Variants in SLC10A1 observed in about 807,000 individuals in gnomAD.
The protein encoded by SLC10A1 is hepatic sodium/bile acid cotransporter.
In SLC10A1, 36 loss-of-function variants were observed where a neutral mutation model predicts 20.5. The ratio of observed to expected loss-of-function variants is 1.75; its 90% CI spans 1.34 to 2.32. The LOEUF is 2.32. Among genes scored for constraint, SLC10A1 ranks in the 30% most tolerant of loss-of-function variants. SLC10A1 has a pLI of 0.00. For missense variants in SLC10A1, 545 were observed against 439.1 expected, an observed-to-expected ratio of 1.24 and a Z score of -2.16; for synonymous variants, 188 against 163.6, an observed-to-expected ratio of 1.15 and a Z score of -1.14.
At position 69,778,355 on chromosome 14, in the gene SLC10A1, A is replaced by T. The variant is rs761497776; in HGVS notation, c.921T>A (p.Tyr307Ter). ...CACCCTTGGGAGTCTTGAATTTCTC[A>T]TAGCACCAAAATATGGCAATGAGGA... ...GLLLIAIFWC[Y>*]EKFKTPKDKT... is the part of the protein sequence containing the mutation. Residue 307 changes from tyrosine (Y) to a stop codon, truncating the protein, a stop_gained, in exon 4 of 5, where the codon TAT becomes TAA. Transcript: ENST00000216540. LOFTEE classifies it low-confidence loss of function (END_TRUNC). The T allele has an allele frequency of 6.2e-7, 1 of 1,609,022 alleles. No individual in the cohort carries two copies. The highest frequency in any genetic ancestry group is 2.2e-5 in the East Asian group (1 of 44,858).
chr14:69,786,078 A>G lies in SLC10A1; in HGVS notation c.567+19T>C. On this transcript the variant is annotated intron_variant, in intron 2 of 4. Transcript: ENST00000216540. ...TTTTACTCTTTTGCCCTAATTTGTC[A>G]AGCCTCCCAGGTTCTTACCTTGATG... The G allele has an allele frequency of 6.2e-7, 1 of 1,606,266 alleles. No homozygotes were observed. Among genetic ancestry groups the G allele is most frequent in the Non-Finnish European group, 8.5e-7 (1 of 1,173,016 alleles).
chr14:69,778,667 G>A, intron 3 of SLC10A1, 138 bp from the exon 4 acceptor site: 1 of 666,104 alleles, frequency 1.5e-6, no homozygotes, highest in Non-Finnish European at 2.4e-6. Context: ...TGCTGCTGGT[G>A]TTTGGATACC....
intron 2 of SLC10A1, 137 bp downstream of exon 2, chr14:69,785,959 CT>C: frequency 1.5e-6 from 1 of 663,560 alleles, no homozygotes; most frequent in Non-Finnish European, 2.6e-6. Flanking sequence ...ACAGTGAATC[CT>C]TAGAGTGCAT....
At chr14:69,792,824 C>T (rs1458223397) in intron 1 of SLC10A1, among the ~76,000 whole-genome samples, 1 of 87,400 alleles carries the variant, frequency 1.1e-5, no homozygotes, top group Non-Finnish European at 2.2e-5. Context: ...TCTTTACATG[C>T]CTATTTCTCA....
At chr14:69,782,571 G>A (rs549157683) in intron 2 of SLC10A1, among the ~76,000 whole-genome samples, 1 of 152,332 alleles carries the variant, frequency 6.6e-6, no homozygotes, top group East Asian at 1.9e-4. Context: ...ACTTCGGGAG[G>A]CCAAGGCGGG....
Position 69,778,178 on chromosome 14 carries a change from ATGCTTCTTGGG to A in SLC10A1, c.943+144_943+154del, listed in dbSNP as rs143592205. 9.6e-3 allele frequency among the ~76,000 whole-genome samples: 1,458 copies of A among 152,256 alleles called. 25 individuals are homozygous for A. Among genetic ancestry groups the A allele is most frequent in the African/African-American group, 0.033 (1,358 of 41,534 alleles). ...TGATGGAAGTAGTCTTGGATCTTTA[ATGCTTCTTGGG>A]TGCTTCTTGGGGCTACCTGGTTCTT... On this transcript the variant is annotated intron_variant, in intron 4 of 4. Coordinates refer to ENST00000216540, the MANE Select transcript of SLC10A1 (RefSeq NM_003049.4).
chr14:69,789,349 T>G (rs1883791368), intron 1 of SLC10A1, among the ~76,000 whole-genome samples: 1 of 152,232 alleles, frequency 6.6e-6, no homozygotes, highest in African/African-American at 2.4e-5. Context: ...ATGTATTATA[T>G]CCATACAATG....
chr14:69,796,501 G>A (rs1184695002), intron 1 of SLC10A1, among the ~76,000 whole-genome samples: 2 of 152,150 alleles, frequency 1.3e-5, no homozygotes, highest in Non-Finnish European at 2.9e-5. Context: ...GGTTCCTTTG[G>A]CTTTAATCAG....
At chr14:69,788,609 G>GGA (rs1883777040) in intron 1 of SLC10A1, among the ~76,000 whole-genome samples, 1 of 151,100 alleles carries the variant, frequency 6.6e-6, no homozygotes, top group Non-Finnish European at 1.5e-5. Flanking sequence ...CAGTGGCGCA[G>GGA]TCTCGGCTCA....
intron 1 of SLC10A1, among the ~76,000 whole-genome samples, chr14:69,795,758 C>T (rs1311133252): frequency 6.6e-6 from 1 of 152,088 alleles, no homozygotes; most frequent in East Asian, 1.9e-4. Flanking sequence ...TGTCATTTTG[C>T]ATCACTAGGA....
chr14:69,789,640 A>G (rs1408416499), intron 1 of SLC10A1, among the ~76,000 whole-genome samples: 2 of 152,226 alleles, frequency 1.3e-5, no homozygotes, highest in Non-Finnish European at 2.9e-5. Context: ...GCTTGGAATT[A>G]TGCTAAAAAC....
intron 4 of SLC10A1, among the ~76,000 whole-genome samples, chr14:69,776,641 A>C (rs1566633617): frequency 1.3e-5 from 2 of 152,198 alleles, no homozygotes; most frequent in Non-Finnish European, 2.9e-5. Flanking sequence ...TTCACTTCTA[A>C]CTTCGTTATA....
At chr14:69,788,120 G>T (rs1883765481) in intron 1 of SLC10A1, among the ~76,000 whole-genome samples, 1 of 152,032 alleles carries the variant, frequency 6.6e-6, no homozygotes, top group African/African-American at 2.4e-5. Flanking sequence ...GGGGAGTGGG[G>T]TGTTAGTCTT....
At chr14:69,778,569 A>C (rs1162238755) in intron 3 of SLC10A1, 40 bp from the exon 4 acceptor site, 1 of 1,524,922 alleles carries the variant, frequency 6.6e-7, no homozygotes, top group East Asian at 2.3e-5. Context: ...CTCAGAGGGA[A>C]CTGGAGGGAG....
chr14:69,778,581 A>G (rs1309686199), intron 3 of SLC10A1, 52 bp from the exon 4 acceptor site: 4 of 1,479,002 alleles, frequency 2.7e-6, no homozygotes, highest in Non-Finnish European at 3.6e-6. Context: ...TGGAGGGAGC[A>G]ACTTTGTCCC....
chr14:69,789,760 A>G (rs191362612), intron 1 of SLC10A1, among the ~76,000 whole-genome samples: 3 of 152,312 alleles, frequency 2.0e-5, no homozygotes, highest in African/African-American at 7.2e-5. Context: ...TTAAAGGGCA[A>G]TTTATAGCCT....
rs1185712367 is a variant in SLC10A1, at chr14:69,779,163, A to G, written c.746+19T>C. ...GCAACAGAGTGAGACCCTTTCTTAAAAAAAAAAAAAATACCTACCGTCCAT... is the reference window on the plus strand; with the variant it reads ...GCAACAGAGTGAGACCCTTTCTTAAGAAAAAAAAAAATACCTACCGTCCAT... On this transcript the variant is annotated intron_variant, in intron 3 of 4. Coordinates refer to ENST00000216540, the MANE Select transcript of SLC10A1 (RefSeq NM_003049.4). The G allele has an allele frequency of 6.7e-7, 1 of 1,499,852 alleles. No homozygotes were observed. Among genetic ancestry groups the G allele is most frequent in the Non-Finnish European group, 9.0e-7 (1 of 1,113,240 alleles). The allele number at this position is 1,499,852 out of a possible 1,614,324, so 92.9% of individuals were successfully genotyped here. A position where few individuals can be genotyped will look rare whatever the true frequency, so the allele number is the denominator to read the frequency against.
At chr14:69,783,559 G>A (rs116263820) in intron 2 of SLC10A1, among the ~76,000 whole-genome samples, 1 of 152,122 alleles carries the variant, frequency 6.6e-6, no homozygotes, top group South Asian at 2.1e-4. Flanking sequence ...AGAAGGGCAC[G>A]TGCAAAGAGA....
At chr14:69,789,685 G>T (rs1056986745) in intron 1 of SLC10A1, among the ~76,000 whole-genome samples, 1 of 152,068 alleles carries the variant, frequency 6.6e-6, no homozygotes, top group Non-Finnish European at 1.5e-5. Flanking sequence ...TGGATTTTAT[G>T]GTATGTGAAT....
Sources: allele counts gnomAD v4.1 joint callset (sites outside exome capture counted in the v4.1 genomes callset), GRCh38; gene constraint gnomAD v4.1.1; transcripts MANE v1.5; gene names NCBI Gene and HGNC (gene_info 2026-07-23, HGNC 2026-07-21).